The following SPATA6 variants were observed in gnomAD, a reference collection of about 807,000 sequenced individuals.
The protein encoded by SPATA6 is spermatogenesis-associated protein 6.
A neutral mutation model predicts 65.3 loss-of-function variants in SPATA6; 56 were observed. The ratio of observed to expected loss-of-function variants is 0.86; its 90% confidence interval spans 0.69 to 1.07. The LOEUF (loss-of-function observed/expected upper bound fraction) is 1.07. Ranked by LOEUF, SPATA6 falls within the 50% of genes least tolerant of loss-of-function variation. SPATA6 has a pLI of 0.00. For missense variants in SPATA6, 590 were observed against 594.8 expected, an observed-to-expected ratio of 0.99 and a Z score of 0.08; for synonymous variants, 199 against 213.2, an observed-to-expected ratio of 0.93 and a Z score of 0.58.
the SPATA6 span, among the ~76,000 whole-genome samples, chr1:48,278,186 C>A: frequency 6.6e-6 from 1 of 151,806 alleles, no homozygotes; most frequent in Admixed American, 6.6e-5. Context: ...ATCTGTACAT[C>A]CCCATCATCA....
intron 11 of SPATA6, among the ~76,000 whole-genome samples, chr1:48,338,711 A>C (rs1258184129): frequency 6.6e-6 from 1 of 151,982 alleles, no homozygotes; most frequent in Non-Finnish European, 1.5e-5. Context: ...AAATATATGA[A>C]AGGTTTTTGT....
chr1:48,316,499 G>T (rs1645425215), intron 11 of SPATA6, among the ~76,000 whole-genome samples: 1 of 152,104 alleles, frequency 6.6e-6, no homozygotes, highest in Non-Finnish European at 1.5e-5. Context: ...GCTGAAACTG[G>T]ATCCCTTCCT....
In SPATA6 at chr1:48,298,810, G is replaced by C. The variant is rs140934334; in HGVS notation, c.1370C>G (p.Ser457Cys). 86 of 1,613,856 alleles carry C rather than the reference G, an allele frequency of 5.3e-5. No homozygotes were observed. In the African/African-American group the frequency reaches 9.9e-4, roughly 19 times the overall value. ...GCTGTTCTCAAAGATGGGTCGGTGG[G>C]ATTTTCCCTTATAAGAGGCTGCCCT... ...SNRAASYKGK[S>C]HRPIFENSMD... is the part of the protein sequence containing the mutation. Residue 457 changes from serine (S) to cysteine (C), a missense_variant, in exon 13 of 13, where the codon TCC becomes TGC. Physicochemically the swap from Ser to Cys is moderately radical, Grantham distance 112 (BLOSUM62 -1). Transcript: ENST00000371847.
At chr1:48,299,815 C>G (rs753756577) in intron 12 of SPATA6, among the ~76,000 whole-genome samples, 5 of 152,180 alleles carry the variant, frequency 3.3e-5, no homozygotes, top group Non-Finnish European at 5.9e-5. Flanking sequence ...TTGCCTAAGA[C>G]TGCTCAGCTA....
chr1:48,285,037 C>T, the SPATA6 span, among the ~76,000 whole-genome samples: 5 of 152,154 alleles, frequency 3.3e-5, no homozygotes, highest in African/African-American at 4.8e-5. Context: ...ACAGCCACCC[C>T]TTCCCCCAGG....
intron 3 of SPATA6, among the ~76,000 whole-genome samples, chr1:48,439,544 T>C (rs116829448): frequency 2.1e-3 from 327 of 152,140 alleles, no homozygotes; most frequent in African/African-American, 7.4e-3. Flanking sequence ...ACCATTTGGG[T>C]TCTTGGGCAA....
intron 5 of SPATA6, among the ~76,000 whole-genome samples, chr1:48,409,560 T>C (rs1652022484): frequency 6.6e-6 from 1 of 152,192 alleles, no homozygotes; most frequent in Admixed American, 6.5e-5. Flanking sequence ...TGACCCCACA[T>C]TTCCCTTCTA....
At chr1:48,403,517 C>G (rs951709521) in intron 6 of SPATA6, among the ~76,000 whole-genome samples, 2 of 152,154 alleles carry the variant, frequency 1.3e-5, no homozygotes, top group Admixed American at 1.3e-4. Flanking sequence ...ATCTTTATGG[C>G]AGCTTGATTT....
At chr1:48,331,429 A>G (rs2148730722) in intron 11 of SPATA6, among the ~76,000 whole-genome samples, 1 of 152,172 alleles carries the variant, frequency 6.6e-6, no homozygotes, top group South Asian at 2.1e-4. Context: ...AAAATTTCAT[A>G]TATCACAAGT....
At chr1:48,424,761 T>C (rs1653680403) in intron 3 of SPATA6, among the ~76,000 whole-genome samples, 1 of 152,236 alleles carries the variant, frequency 6.6e-6, no homozygotes, top group African/African-American at 2.4e-5. Flanking sequence ...CACATTTTCA[T>C]ATGCCAGTCT....
chr1:48,467,750 TGACTA>T (rs1324987489), intron 1 of SPATA6, among the ~76,000 whole-genome samples: 3 of 152,166 alleles, frequency 2.0e-5, no homozygotes, highest in African/African-American at 7.2e-5. Context: ...GCAAGAGGTC[TGACTA>T]GATATCTCAA....
intron 11 of SPATA6, among the ~76,000 whole-genome samples, chr1:48,321,245 C>G (rs1645590746): frequency 6.6e-6 from 1 of 152,036 alleles, no homozygotes. Flanking sequence ...AAAACAACAA[C>G]AACAACAACA....
chr1:48,263,810 A>C, the SPATA6 span, among the ~76,000 whole-genome samples: 1 of 152,134 alleles, frequency 6.6e-6, no homozygotes, highest in Non-Finnish European at 1.5e-5. Context: ...GAGAACATTT[A>C]AGAAGCCAGT....
At chr1:48,342,023 T>C (rs771287234) in intron 11 of SPATA6, among the ~76,000 whole-genome samples, 4 of 152,148 alleles carry the variant, frequency 2.6e-5, no homozygotes, top group Non-Finnish European at 2.9e-5. Flanking sequence ...AGCCCAAAAT[T>C]AAAAGTAGAA....
intron 11 of SPATA6, among the ~76,000 whole-genome samples, chr1:48,341,079 T>C (rs1401971811): frequency 6.6e-6 from 1 of 152,034 alleles, no homozygotes; most frequent in Non-Finnish European, 1.5e-5. Context: ...CAAAACAAAA[T>C]AAAAATACAG....
At chr1:48,277,171 T>A in the SPATA6 span, among the ~76,000 whole-genome samples, 1 of 151,788 alleles carries the variant, frequency 6.6e-6, no homozygotes, top group Non-Finnish European at 1.5e-5. Context: ...TTTCGCTGTA[T>A]ATGAAATTCT....
chr1:48,352,780 G>A (rs1442604008), intron 11 of SPATA6, among the ~76,000 whole-genome samples: 1 of 151,514 alleles, frequency 6.6e-6, no homozygotes, highest in African/African-American at 2.4e-5. Flanking sequence ...AAACTACTAT[G>A]TCAAATAGCA....
chr1:48,283,697 A>AG, the SPATA6 span, among the ~76,000 whole-genome samples: 4 of 12,012 alleles, frequency 3.3e-4, no homozygotes, highest in African/African-American at 7.3e-4. Context: ...AAAAAAAAAA[A>AG]AAAGAAAGAA....
Position 48,460,241 on chromosome 1 carries a change from C to A in SPATA6, c.52-7110G>T, listed in dbSNP as rs192593036. On this transcript the variant is annotated intron_variant, in intron 1 of 12. Transcript: ENST00000371847. The stretch of plus-strand genomic sequence containing the variant: ...GCAGCCTCACAAAGCACTGGGATTA[C>A]AAGCATGTGCCACTGCACCAGGCTT... 6.0e-4 allele frequency among the ~76,000 whole-genome samples: 91 copies of A among 152,276 alleles called. 1 individual carries two copies. The highest frequency in any genetic ancestry group is 3.9e-3 in the South Asian group (19 of 4,824).
Sources: allele counts gnomAD v4.1 joint callset (sites outside exome capture counted in the v4.1 genomes callset), GRCh38; gene constraint gnomAD v4.1.1; transcripts MANE v1.5; gene names NCBI Gene and HGNC (gene_info 2026-07-23, HGNC 2026-07-21).